GREB1: variants seen among roughly 807,000 people sequenced by gnomAD.
The protein encoded by GREB1 is protein GREB1.
Under a neutral mutation model 200.7 loss-of-function variants are expected in GREB1, and 106 were observed. The ratio of observed to expected loss-of-function variants is 0.53; its 90% CI spans 0.45 to 0.62. GREB1 has a LOEUF of 0.62. Ranked by LOEUF, GREB1 falls within the 20% of genes least tolerant of loss-of-function variation. The probability of loss-of-function intolerance (pLI) is 0.00; values close to 1 mark genes in which losing one functional copy is unlikely to be tolerated. For missense variants in GREB1, 2,243 were observed against 2,556.8 expected, an observed-to-expected ratio of 0.88 and a Z score of 2.65; for synonymous variants, 1,132 against 1,092.4, an observed-to-expected ratio of 1.04 and a Z score of -0.72.
At position 11,629,664 on chromosome 2, in the gene GREB1, C is replaced by T. The variant is rs1034366391; in HGVS notation, c.4450-284C>T. Reference sequence around the variant, plus strand: ...AGGGCTCTGGTCAGGTTCAAAGCCACGGGGACCAGAAAGCTTGATGCCTGC... The same window carrying T: ...AGGGCTCTGGTCAGGTTCAAAGCCATGGGGACCAGAAAGCTTGATGCCTGC... On this transcript the variant is annotated intron_variant, in intron 25 of 32. Transcript: ENST00000381486. The surrounding 1 kb of genome is among the most constrained non-coding windows in gnomAD (Gnocchi z 5.2). Among the ~76,000 whole-genome samples, 5 of 152,190 alleles carry T rather than the reference C, an allele frequency of 3.3e-5. No individual in the cohort carries two copies. The highest frequency in any genetic ancestry group is 2.1e-4 in the South Asian group (1 of 4,826).
intron 1 of GREB1, among the ~76,000 whole-genome samples, chr2:11,549,751 T>A (rs1373223499): frequency 2.6e-5 from 4 of 152,252 alleles, no homozygotes; most frequent in African/African-American, 9.6e-5. Flanking sequence ...TGTGGATACA[T>A]CATCCCTCTG....
At chr2:11,502,556 T>C (rs1231362958) in intron 1 of GREB1, among the ~76,000 whole-genome samples, 2 of 152,112 alleles carry the variant, frequency 1.3e-5, no homozygotes, top group African/African-American at 2.4e-5. Context: ...CTAGTGCAAT[T>C]TGGGGTTTTC....
chr2:11,521,397 A>G (rs1293090460), intron 1 of GREB1, among the ~76,000 whole-genome samples: 1 of 152,192 alleles, frequency 6.6e-6, no homozygotes, highest in Non-Finnish European at 1.5e-5. Context: ...GGCATGAACC[A>G]TTGTGCCCGG....
At chr2:11,620,657 C>T (rs1355869906) in intron 22 of GREB1, among the ~76,000 whole-genome samples, 5 of 152,108 alleles carry the variant, frequency 3.3e-5, no homozygotes, top group Non-Finnish European at 5.9e-5. Context: ...CTTAAAAATG[C>T]GGCTGGTTAA....
In GREB1 at chr2:11,635,143, C is replaced by A. The variant is rs917999820; in HGVS notation, c.5211-127C>A. ...CCCTAGAGTAAGGAAGGTCTTGAGGCAAGAATGAAGCCCACTCCACCTTCA... is the reference window on the plus strand; with the variant it reads ...CCCTAGAGTAAGGAAGGTCTTGAGGAAAGAATGAAGCCCACTCCACCTTCA... On this transcript the variant is annotated intron_variant, in intron 29 of 32. Coordinates refer to ENST00000381486, the MANE Select transcript of GREB1 (RefSeq NM_014668.4). The A allele has an allele frequency of 9.9e-6, 11 of 1,108,222 alleles. No homozygotes were observed. In the African/African-American group the frequency reaches 1.4e-4, roughly 14 times the overall value. The allele number at this position is 1,108,222 out of a possible 1,614,324, so 68.6% of individuals were successfully genotyped here. A position where few individuals can be genotyped will look rare whatever the true frequency, so the allele number is the denominator to read the frequency against.
rs769489694 is a variant in GREB1, at chr2:11,618,528, C to T, written c.3653C>T (p.Ser1218Leu). Reference sequence around the variant, plus strand: ...AGCGTCCAGGTGTCGGTCACCTCGTCGTGCTCCCAGCTGTCCTCCTCCTCG... The same window carrying T: ...AGCGTCCAGGTGTCGGTCACCTCGTTGTGCTCCCAGCTGTCCTCCTCCTCG... Reference protein sequence around the residue: ...QRSVQVSVTSSCSQLSSSSGS... With the variant: ...QRSVQVSVTSLCSQLSSSSGS... The change falls in exon 22 of 33, where the codon TCG becomes TTG. Residue 1218 changes from serine to leucine, a missense_variant. Ser to Leu is a moderately radical substitution (Grantham distance 145). Transcript: ENST00000381486. 1.2e-5 allele frequency: 20 copies of T among 1,612,260 alleles called. 1 individual carries two copies. The Middle Eastern group carries it at 4.9e-4, about 40-fold the overall frequency.
chr2:11,561,446 C>A (rs553809260), intron 2 of GREB1: 1 of 151,548 alleles, frequency 6.6e-6, no homozygotes, highest in South Asian at 2.1e-4. Context: ...TCACTGCAAC[C>A]TCCACCTCCC....
intron 17 of GREB1, among the ~76,000 whole-genome samples, chr2:11,605,178 C>T (rs1227943647): frequency 3.0e-4 from 12 of 39,714 alleles, no homozygotes; most frequent in South Asian, 1.0e-3. Flanking sequence ...TTTTTTTTTA[C>T]GCAGCAGCTT....
chr2:11,584,490 A>T (rs1194203530), intron 7 of GREB1, among the ~76,000 whole-genome samples: 1 of 152,168 alleles, frequency 6.6e-6, no homozygotes, highest in South Asian at 2.1e-4. Context: ...GCCTGTCTGC[A>T]CAAACATATT....
chr2:11,513,504 T>C (rs893336153), intron 1 of GREB1, among the ~76,000 whole-genome samples: 1 of 152,222 alleles, frequency 6.6e-6, no homozygotes, highest in Admixed American at 6.5e-5. Flanking sequence ...TTAGTCATCC[T>C]TCAAGGCCTA....
chr2:11,502,800 G>A (rs924921562), intron 1 of GREB1, among the ~76,000 whole-genome samples: 1 of 152,128 alleles, frequency 6.6e-6, no homozygotes, highest in Non-Finnish European at 1.5e-5. Context: ...ATATAGTGAT[G>A]TCACAGGTGG....
chr2:11,607,404 CT>C (rs1682403279), intron 17 of GREB1, among the ~76,000 whole-genome samples: 1 of 149,750 alleles, frequency 6.7e-6, no homozygotes, highest in South Asian at 2.1e-4. Flanking sequence ...ATCTAATCTG[CT>C]GCCAATTTCA....
chr2:11,526,123 A>G (rs1267238281), intron 1 of GREB1, among the ~76,000 whole-genome samples: 1 of 152,224 alleles, frequency 6.6e-6, no homozygotes, highest in East Asian at 1.9e-4. Flanking sequence ...GAGTTCACGC[A>G]GGTTAATTAT....
rs1172386806 is a variant in GREB1, at chr2:11,580,856, C to G, written c.901+24C>G. 1 of 1,614,156 alleles carries G rather than the reference C, an allele frequency of 6.2e-7. No homozygotes were observed. Among genetic ancestry groups the G allele is most frequent in the East Asian group, 2.2e-5 (1 of 44,884 alleles). On this transcript the variant is annotated intron_variant, in intron 7 of 32. Transcript: ENST00000381486. The surrounding 1 kb of genome is among the most constrained non-coding windows in gnomAD (Gnocchi z 4.5). ...AGGTAGCTCTGCCTGTCCTGGCCGT[C>G]CTGGGGATCCTGCTCTTCTTTGGGC...
chr2:11,608,096 C>T (rs1022722645), intron 17 of GREB1, among the ~76,000 whole-genome samples: 35 of 152,176 alleles, frequency 2.3e-4, no homozygotes, highest in Non-Finnish European at 4.3e-4. Flanking sequence ...AAGACTGGCT[C>T]AGCCTGAGTT....
intron 1 of GREB1, among the ~76,000 whole-genome samples, chr2:11,491,434 A>G (rs1672772289): frequency 6.6e-6 from 1 of 152,236 alleles, no homozygotes; most frequent in Admixed American, 6.5e-5. Flanking sequence ...AATGGGCTAA[A>G]TCACTAAAAA....
chr2:11,624,824 T>C (rs1684303840), intron 23 of GREB1, among the ~76,000 whole-genome samples: 1 of 152,212 alleles, frequency 6.6e-6, no homozygotes, highest in Non-Finnish European at 1.5e-5. Context: ...TTTGCAATTT[T>C]TTTTTTAAGC....
In GREB1 at chr2:11,610,928, C is replaced by T. The variant is rs376190791; in HGVS notation, c.2907C>T (p.His969=). The T allele has an allele frequency of 3.8e-5, 62 of 1,611,620 alleles. No individual in the cohort carries two copies. The African/African-American group carries it at 6.0e-4, about 16-fold the overall frequency. ...LAVVAYERLA[H]VRARLALEEH... is the part of the protein sequence containing the mutation. ...TGGTGGCCTATGAGCGGCTGGCCCA[C>T]GTGCGGGCCCGGCTGGCGCTGGAGG... Residue 969 remains histidine, a synonymous_variant, in exon 18 of 33, where the codon CAC becomes CAT. Transcript: ENST00000381486.
intron 13 of GREB1, among the ~76,000 whole-genome samples, chr2:11,596,717 A>G (rs1572865079): frequency 4.0e-5 from 2 of 50,170 alleles, no homozygotes; most frequent in Admixed American, 2.9e-4. Context: ...ACAGTGAGAG[A>G]GGGTAGGGCA....
Sources: allele counts gnomAD v4.1 joint callset (sites outside exome capture counted in the v4.1 genomes callset), GRCh38; gene constraint gnomAD v4.1.1; non-coding constraint Gnocchi (gnomAD v3.1); transcripts MANE v1.5; gene names NCBI Gene and HGNC (gene_info 2026-07-23, HGNC 2026-07-21).